The following GALNT14 variants were observed in gnomAD, a reference collection of about 807,000 sequenced individuals.
GALNT14 encodes UDP-GalNAc:polypeptide N-acetylgalactosaminyltransferase 14.
A neutral mutation model predicts 77.5 loss-of-function variants in GALNT14; 60 were observed. That is an observed-to-expected ratio of 0.77 (90% CI 0.63 to 0.96). The LOEUF (loss-of-function observed/expected upper bound fraction) is 0.96, where lower values mean the gene tolerates loss of function less well. GALNT14 is among the 40% of genes least tolerant of loss of function. The pLI is 0.00. For missense variants in GALNT14, 710 were observed against 731.0 expected (o/e 0.97, Z 0.33); for synonymous variants, 280 against 281.7 (o/e 0.99, Z 0.06).
chr2:30,918,886 G>A (rs1377968976), intron 13 of GALNT14, among the ~76,000 whole-genome samples: 1 of 151,854 alleles, frequency 6.6e-6, no homozygotes, highest in Admixed American at 6.6e-5. Context: ...CAGGGAGGGT[G>A]GCATCGGGCA....
chr2:31,111,110 G>A (rs999305382), intron 1 of GALNT14, among the ~76,000 whole-genome samples: 3 of 152,214 alleles, frequency 2.0e-5, no homozygotes, highest in South Asian at 4.1e-4. Context: ...GAATGAGGCA[G>A]AGAACACAAT....
chr2:31,095,317 C>T (rs1676945239), intron 1 of GALNT14, among the ~76,000 whole-genome samples: 1 of 152,162 alleles, frequency 6.6e-6, no homozygotes, highest in African/African-American at 2.4e-5. Context: ...AAATGTGCAT[C>T]AGCCCTGACA....
At chr2:30,926,108 C>T (rs1193235760) in intron 11 of GALNT14, among the ~76,000 whole-genome samples, 1 of 152,206 alleles carries the variant, frequency 6.6e-6, no homozygotes, top group Non-Finnish European at 1.5e-5. Flanking sequence ...TTACAGAGCA[C>T]CAACCACAGC....
intron 1 of GALNT14, among the ~76,000 whole-genome samples, chr2:31,028,778 T>A (rs966038483): frequency 2.0e-5 from 3 of 152,084 alleles, no homozygotes; most frequent in African/African-American, 7.2e-5. Context: ...TGTGGAGATG[T>A]AAAAATGACA....
chr2:31,090,481 CTTTTTTTTT>C (rs70962302), intron 1 of GALNT14, among the ~76,000 whole-genome samples: 1 of 93,244 alleles, frequency 1.1e-5, no homozygotes, highest in East Asian at 3.1e-4. Flanking sequence ...GTCCCTTCAT[CTTTTTTTTT>C]TTTTTTTTTT....
At chr2:31,104,367 A>G (rs1276537211) in intron 1 of GALNT14, among the ~76,000 whole-genome samples, 11 of 152,246 alleles carry the variant, frequency 7.2e-5, no homozygotes, top group Middle Eastern at 3.4e-3. Flanking sequence ...ACAGATATAC[A>G]TTTTTGTTCA....
chr2:30,911,577 A>C (rs1046401943), intron 14 of GALNT14, among the ~76,000 whole-genome samples: 4 of 152,180 alleles, frequency 2.6e-5, no homozygotes, highest in African/African-American at 4.8e-5. Flanking sequence ...AGCACCCCGG[A>C]GAGGGCACTG....
chr2:31,109,700 C>T (rs927648227), intron 1 of GALNT14, among the ~76,000 whole-genome samples: 1 of 152,154 alleles, frequency 6.6e-6, no homozygotes, highest in Non-Finnish European at 1.5e-5. Context: ...AGCTTATTTG[C>T]GTGCAGTGTG....
chr2:31,009,777 T>C (rs1670903172), intron 1 of GALNT14, among the ~76,000 whole-genome samples: 1 of 152,012 alleles, frequency 6.6e-6, no homozygotes, highest in Admixed American at 6.6e-5. Flanking sequence ...CCCTCGACAA[T>C]TCCTTCTTCC....
At chr2:31,037,802 G>A (rs543419947) in intron 1 of GALNT14, among the ~76,000 whole-genome samples, 2 of 151,708 alleles carry the variant, frequency 1.3e-5, no homozygotes, top group Non-Finnish European at 2.9e-5. Flanking sequence ...TCGCTGAGAG[G>A]CTCTGTGTGT....
downstream of GALNT14, among the ~76,000 whole-genome samples, chr2:30,906,927 A>G (rs1455904267): frequency 1.6e-4 from 24 of 152,222 alleles, 1 homozygote; most frequent in Admixed American, 1.6e-3. Context: ...ACGCAACTAC[A>G]TGGAAACTGA....
intron 1 of GALNT14, among the ~76,000 whole-genome samples, chr2:31,036,725 A>C (rs1398626245): frequency 6.6e-6 from 1 of 152,180 alleles, no homozygotes. Context: ...TTATTTGAGA[A>C]TGTTTTAATT....
chr2:30,920,106 T>G (rs1664941508), intron 13 of GALNT14, among the ~76,000 whole-genome samples: 1 of 152,178 alleles, frequency 6.6e-6, no homozygotes. Flanking sequence ...TCTCACCTGA[T>G]TACACTTGTC....
chr2:31,089,027 C>G (rs969280420), intron 1 of GALNT14, among the ~76,000 whole-genome samples: 1 of 152,170 alleles, frequency 6.6e-6, no homozygotes, highest in Non-Finnish European at 1.5e-5. Flanking sequence ...TGATGAAGCA[C>G]GACCATCAGT....
At chr2:30,897,312 GC>G in the GALNT14 span, among the ~76,000 whole-genome samples, 1 of 152,150 alleles carries the variant, frequency 6.6e-6, no homozygotes, top group Non-Finnish European at 1.5e-5. Flanking sequence ...TAAGACTCCT[GC>G]CCCCGGTTTG....
chr2:30,944,797 A>G (rs760051562), intron 8 of GALNT14, 61 bp downstream of exon 8: 31 of 1,308,392 alleles, frequency 2.4e-5, no homozygotes, highest in Non-Finnish European at 3.1e-5. Flanking sequence ...GCACCTCCCT[A>G]CACTTGACAG....
At chr2:31,083,928 C>T (rs1676279869) in intron 1 of GALNT14, among the ~76,000 whole-genome samples, 1 of 152,172 alleles carries the variant, frequency 6.6e-6, no homozygotes, top group African/African-American at 2.4e-5. Flanking sequence ...TGGTGAAAGG[C>T]TGTGTGGTTG....
intron 2 of GALNT14, among the ~76,000 whole-genome samples, chr2:30,969,729 TG>T (rs1223749671): frequency 6.6e-6 from 1 of 152,052 alleles, no homozygotes; most frequent in Non-Finnish European, 1.5e-5. Context: ...AATCCTGGCT[TG>T]GGGGATCAGG....
At chr2:31,080,038 C>T (rs765950814) in intron 1 of GALNT14, among the ~76,000 whole-genome samples, 1 of 152,222 alleles carries the variant, frequency 6.6e-6, no homozygotes, top group East Asian at 1.9e-4. Flanking sequence ...GATGCCCACT[C>T]AAAGGGATGC....
Sources: allele counts gnomAD v4.1 joint callset (sites outside exome capture counted in the v4.1 genomes callset), GRCh38; gene constraint gnomAD v4.1.1; transcripts MANE v1.5; gene names NCBI Gene and HGNC (gene_info 2026-07-23, HGNC 2026-07-21).